The following MEIS2 variants were observed in gnomAD, a reference collection of about 807,000 sequenced individuals.
The protein encoded by MEIS2 is Meis homeobox 2, also known as homeobox protein Meis2.
A neutral mutation model predicts 58.6 loss-of-function variants in MEIS2; 9 were observed. That is an observed-to-expected ratio of 0.15 (90% CI 0.09 to 0.27). MEIS2 has a LOEUF of 0.27. Among genes scored for constraint, MEIS2 ranks in the 10% least tolerant of loss-of-function variants. MEIS2 has a pLI of 1.00. For synonymous variants in MEIS2, 221 were observed against 228.4 expected, an observed-to-expected ratio of 0.97 and a Z score of 0.29; for missense variants, 427 against 635.0, an observed-to-expected ratio of 0.67 and a Z score of 3.52.
chr15:36,912,853 A>G (rs542497805), intron 9 of MEIS2, among the ~76,000 whole-genome samples: 12 of 152,174 alleles, frequency 7.9e-5, no homozygotes, highest in Admixed American at 2.0e-4. Flanking sequence ...AAAAAGAAAA[A>G]AAAGGTGCTA....
At chr15:37,016,927 C>A (rs930368323) in intron 8 of MEIS2, among the ~76,000 whole-genome samples, 1 of 152,188 alleles carries the variant, frequency 6.6e-6, no homozygotes, top group Non-Finnish European at 1.5e-5. Context: ...TGCTTCATTG[C>A]ACAATATTTT....
chr15:37,067,812 T>C (rs1890160386), intron 7 of MEIS2, among the ~76,000 whole-genome samples: 2 of 152,150 alleles, frequency 1.3e-5, no homozygotes, highest in Non-Finnish European at 2.9e-5. Context: ...TCTTGAGCTA[T>C]TGTTCTCTTG....
intron 9 of MEIS2, among the ~76,000 whole-genome samples, chr15:36,911,540 A>C (rs1185982680): frequency 6.6e-6 from 1 of 152,316 alleles, no homozygotes; most frequent in East Asian, 1.9e-4. Context: ...GATAATGTAT[A>C]GCAATGTACA....
chr15:37,051,262 A>G (rs2062907522), intron 7 of MEIS2, among the ~76,000 whole-genome samples: 1 of 152,234 alleles, frequency 6.6e-6, no homozygotes, highest in African/African-American at 2.4e-5. Flanking sequence ...TGGTATATCC[A>G]CACACTGAAA....
At chr15:36,901,591 A>G (rs555314445) in intron 9 of MEIS2, among the ~76,000 whole-genome samples, 2 of 152,312 alleles carry the variant, frequency 1.3e-5, no homozygotes, top group South Asian at 4.1e-4. Flanking sequence ...ATCATAATGA[A>G]TTTCCCTAAG....
intron 9 of MEIS2, among the ~76,000 whole-genome samples, chr15:36,904,598 C>T (rs2141247230): frequency 6.6e-6 from 1 of 151,614 alleles, no homozygotes; most frequent in African/African-American, 2.4e-5. Context: ...AATGGCATTA[C>T]ACTCTTTGAA....
At chr15:36,903,087 T>C (rs548593155) in intron 9 of MEIS2, among the ~76,000 whole-genome samples, 32 of 152,324 alleles carry the variant, frequency 2.1e-4, no homozygotes, top group African/African-American at 7.5e-4. Flanking sequence ...AATTAAAATA[T>C]TTGAGAAATT....
In MEIS2 at chr15:37,068,423, T is replaced by C. The variant is rs1890248597; in HGVS notation, c.754+15348A>G. Among the ~76,000 whole-genome samples the C allele has an allele frequency of 7.9e-5, 12 of 152,334 alleles. No homozygotes were observed. In the South Asian group the frequency reaches 2.5e-3, roughly 32 times the overall value. On this transcript the variant is annotated intron_variant, in intron 7 of 11. Coordinates refer to ENST00000561208, the MANE Select transcript of MEIS2 (RefSeq NM_170675.5). ...ATTTTGGGAGTGCTAACATCCCTAATGAGGAACGAAACCCTATGTCAATGC... is the reference window on the plus strand; with the variant it reads ...ATTTTGGGAGTGCTAACATCCCTAACGAGGAACGAAACCCTATGTCAATGC...
At chr15:37,015,244 C>T (rs1037713726) in intron 8 of MEIS2, among the ~76,000 whole-genome samples, 2 of 152,180 alleles carry the variant, frequency 1.3e-5, no homozygotes, top group Non-Finnish European at 2.9e-5. Flanking sequence ...TCACGGCATG[C>T]ATGATTCACT....
intron 7 of MEIS2, among the ~76,000 whole-genome samples, chr15:37,055,192 A>G (rs112362074): frequency 2.0e-5 from 3 of 152,124 alleles, no homozygotes; most frequent in African/African-American, 7.2e-5. Context: ...ACCTCATAAC[A>G]TTTCTATACC....
chr15:37,021,261 T>C (rs2061518094), intron 8 of MEIS2, among the ~76,000 whole-genome samples: 1 of 152,216 alleles, frequency 6.6e-6, no homozygotes, highest in South Asian at 2.1e-4. Context: ...TCTTCCCTTA[T>C]TGCCTGCTCC....
At chr15:36,952,583 G>A (rs984047865) in intron 8 of MEIS2, among the ~76,000 whole-genome samples, 5 of 107,242 alleles carry the variant, frequency 4.7e-5, no homozygotes, top group Admixed American at 1.8e-4. Flanking sequence ...GTGGGTTGTA[G>A]AGTCTGTCTG....
intron 8 of MEIS2, among the ~76,000 whole-genome samples, chr15:37,007,898 C>G (rs80296225): frequency 0.036 from 5,431 of 152,196 alleles, 315 homozygotes; most frequent in African/African-American, 0.13. Context: ...GTCTGCAGAC[C>G]TCTAGAAAAC....
chr15:37,039,083 C>T (rs537648852), intron 7 of MEIS2, among the ~76,000 whole-genome samples: 12 of 152,186 alleles, frequency 7.9e-5, no homozygotes, highest in Non-Finnish European at 1.5e-4. Flanking sequence ...ATCTGAGGTG[C>T]TGTTCTGTAG....
chr15:36,945,146 G>T (rs1034648586), intron 9 of MEIS2, among the ~76,000 whole-genome samples: 1 of 151,842 alleles, frequency 6.6e-6, no homozygotes, highest in East Asian at 1.9e-4. Context: ...TACTAATTAG[G>T]CTTCAAATTG....
chr15:36,957,290 C>T (rs141143679), intron 8 of MEIS2, among the ~76,000 whole-genome samples: 1 of 151,972 alleles, frequency 6.6e-6, no homozygotes, highest in Non-Finnish European at 1.5e-5. Context: ...ATCAAAATAC[C>T]TGAAAAACAC....
At chr15:36,971,536 TTAAAAAAAAAA>T (rs976336640) in intron 8 of MEIS2, among the ~76,000 whole-genome samples, 9 of 65,436 alleles carry the variant, frequency 1.4e-4, no homozygotes, top group South Asian at 4.7e-4. Flanking sequence ...CCTTGTTACA[TTAAAAAAAAAA>T]AAAAAAAAAA....
chr15:37,097,141 G>A (rs80249975), intron 2 of MEIS2: 16,809 of 152,236 alleles, frequency 0.11, 1,008 homozygotes, highest in Non-Finnish European at 0.14. Flanking sequence ...GTGTGCGTGC[G>A]CGTATGCCCT....
In MEIS2 at chr15:37,098,164, T is replaced by A; in HGVS notation, c.48A>T (p.Gly16=). The part of the protein sequence containing the change: ...DELPHYGGMD[G]VGVPASMYGD... ...CGTACATGGAAGCGGGAACCCCTAC[T>A]CCGTCCATCCCGCCGTAATGGGGCA... The change falls in exon 2 of 12, where the codon GGA becomes GGT. Residue 16 remains glycine, a synonymous_variant. Transcript: ENST00000561208. The A allele has an allele frequency of 6.2e-7, 1 of 1,603,724 alleles. No homozygotes were observed. Among genetic ancestry groups the A allele is most frequent in the East Asian group, 2.2e-5 (1 of 44,538 alleles).
Sources: allele counts gnomAD v4.1 joint callset (sites outside exome capture counted in the v4.1 genomes callset), GRCh38; gene constraint gnomAD v4.1.1; transcripts MANE v1.5; gene names NCBI Gene and HGNC (gene_info 2026-07-23, HGNC 2026-07-21).